The following NDUFA7 variants were observed in gnomAD, a reference collection of about 807,000 sequenced individuals.
NDUFA7 encodes the protein NADH dehydrogenase [ubiquinone] 1 alpha subcomplex subunit 7.
NDUFA7 carries 18 observed loss-of-function variants against 14.2 expected under a neutral mutation model. That is an observed-to-expected ratio of 1.27 (90% CI 0.88 to 1.88). The LOEUF (loss-of-function observed/expected upper bound fraction) is 1.88. Among genes scored for constraint, NDUFA7 ranks in the 40% most tolerant of loss-of-function variants. NDUFA7 has a pLI of 0.00. For missense variants in NDUFA7, 172 were observed against 147.3 expected (o/e 1.17, Z -0.87); for synonymous variants, 75 against 62.1 (o/e 1.21, Z -0.98).
At chr19:8,320,816 G>T in intron 2 of NDUFA7, 41 bp downstream of exon 2, 1 of 1,612,686 alleles carries the variant, frequency 6.2e-7, no homozygotes, top group East Asian at 2.2e-5. Flanking sequence ...GGTGGAGAAA[G>T]GACAGAGCCA....
At chr19:8,315,808 C>T (rs1970225791) in intron 3 of NDUFA7, among the ~76,000 whole-genome samples, 1 of 152,136 alleles carries the variant, frequency 6.6e-6, no homozygotes, top group South Asian at 2.1e-4. Context: ...GGCAACCCAC[C>T]CCTTCAGCCT....
In NDUFA7 at chr19:8,316,780, C is replaced by G. The variant is rs1403075503; in HGVS notation, c.102-135G>C. 9.6e-6 allele frequency: 10 copies of G among 1,042,362 alleles called. No individual in the cohort carries two copies. The Admixed American group carries it at 1.9e-4, about 20-fold the overall frequency. 64.6% of individuals were successfully genotyped at this position (1,042,362 alleles called of 1,614,324 possible). Reference sequence around the variant, plus strand: ...GGGATAAGCCACAGGCTGGGGGTGTCCCTTGGTACACTGGCAGGGACATAT... The same window carrying G: ...GGGATAAGCCACAGGCTGGGGGTGTGCCTTGGTACACTGGCAGGGACATAT... On this transcript the variant is annotated intron_variant, in intron 2 of 3. Transcript: ENST00000301457.
intron 3 of NDUFA7, 55 bp downstream of exon 3, chr19:8,316,441 G>A (rs966535443): frequency 6.3e-6 from 10 of 1,597,690 alleles, no homozygotes; most frequent in Non-Finnish European, 8.5e-6. Context: ...GGGAGACAGA[G>A]TGGGTTGCAG....
chr19:8,317,225 C>CT (rs1487282924), intron 2 of NDUFA7, among the ~76,000 whole-genome samples: 11 of 152,158 alleles, frequency 7.2e-5, no homozygotes, highest in Non-Finnish European at 1.3e-4. Context: ...TTGGCTTGAA[C>CT]TAAACCCTGG....
chr19:8,319,217 A>C (rs1012611976), intron 2 of NDUFA7: 4 of 152,104 alleles, frequency 2.6e-5, no homozygotes, highest in Non-Finnish European at 5.9e-5. Context: ...CTACCATGGC[A>C]CGTTTACCTT....
chr19:8,316,563 C>G lies in NDUFA7; in HGVS notation c.184G>C (p.Glu62Gln), dbSNP rs1242700432. 6.2e-7 allele frequency: 1 copy of G among 1,614,124 alleles called. No individual in the cohort carries two copies. The highest frequency in any genetic ancestry group is 1.7e-5 in the Admixed American group (1 of 60,002). ...NYYCTRDGRR[E>Q]SVPPSIIMSS... ...ATGATGATGGAAGGGGGCACAGATT[C>G]CCGGCGGCCATCGCGAGTGCAATAG... The change falls in exon 3 of 4, where the codon GAA becomes CAA. Residue 62 changes from glutamate to glutamine, a missense_variant. Physicochemically the swap from Glu to Gln is conservative, Grantham distance 29. Transcript: ENST00000301457.
Position 8,311,472 on chromosome 19 carries a change from G to A in NDUFA7, c.*33C>T, listed in dbSNP as rs1160184605. ...TTCTCCCTGGAGGAAATCCAAGGAG[G>A]CAAAGTAGTCGGGTGGCCGTGAGGG... On this transcript the variant is annotated 3_prime_UTR_variant, in exon 4 of 4. Coordinates refer to ENST00000301457, the MANE Select transcript of NDUFA7 (RefSeq NM_005001.5). 6.5e-7 allele frequency: 1 copy of A among 1,542,290 alleles called. No individual in the cohort carries two copies. Among genetic ancestry groups the A allele is most frequent in the Non-Finnish European group, 8.8e-7 (1 of 1,130,284 alleles).
At chr19:8,318,169 G>C (rs559091284) in intron 2 of NDUFA7, among the ~76,000 whole-genome samples, 1 of 150,884 alleles carries the variant, frequency 6.6e-6, no homozygotes, top group Non-Finnish European at 1.5e-5. Flanking sequence ...GTTTTTTTTT[G>C]AGATGGAGTC....
In NDUFA7 at chr19:8,316,401, G is replaced by A. The variant is rs527561969; in HGVS notation, c.251+95C>T. 2.0e-6 allele frequency: 3 copies of A among 1,516,114 alleles called. No homozygotes were observed. The South Asian group carries it at 3.7e-5, about 19-fold the overall frequency. The allele number at this position is 1,516,114 out of a possible 1,614,324, so 93.9% of individuals were successfully genotyped here. ...CTGCGCAACTGATGCTTACTAAGTA[G>A]GATCTTGACAAGCACCCTTTCCACA... On this transcript the variant is annotated intron_variant, in intron 3 of 3. Transcript: ENST00000301457.
chr19:8,311,649 C>G (rs1970179366), intron 3 of NDUFA7, 54 bp from the exon 4 acceptor site: 2 of 1,500,624 alleles, frequency 1.3e-6, no homozygotes, highest in Non-Finnish European at 1.8e-6. Flanking sequence ...GTGGAAAGAT[C>G]TGAGGGAGCC....
At chr19:8,310,910 G>C (rs3760683), downstream of NDUFA7, 2 of 152,024 alleles carry the variant, frequency 1.3e-5, no homozygotes, top group African/African-American at 4.8e-5. Context: ...CCAGCTACTC[G>C]GGAGGCTGAG....
At chr19:8,309,246 A>G (rs912824741), downstream of NDUFA7, among the ~76,000 whole-genome samples, 1 of 152,044 alleles carries the variant, frequency 6.6e-6, no homozygotes, top group Non-Finnish European at 1.5e-5. Flanking sequence ...AGGCCGAGGC[A>G]GGCGGATCAC....
Position 8,311,461 on chromosome 19 carries a change from A to C in NDUFA7, c.*44T>G. The C allele has an allele frequency of 1.4e-6, 2 of 1,468,846 alleles. No individual in the cohort carries two copies. Among genetic ancestry groups the C allele is most frequent in the East Asian group, 2.4e-5 (1 of 42,134 alleles). The allele number at this position is 1,468,846 out of a possible 1,614,324, so 91.0% of individuals were successfully genotyped here. The stretch of plus-strand genomic sequence containing the variant: ...ATTAGGTCACATTCTCCCTGGAGGA[A>C]ATCCAAGGAGGCAAAGTAGTCGGGT... On this transcript the variant is annotated 3_prime_UTR_variant, in exon 4 of 4. Transcript: ENST00000301457.
chr19:8,313,242 T>TC (rs1156546397), intron 3 of NDUFA7, among the ~76,000 whole-genome samples: 1 of 151,616 alleles, frequency 6.6e-6, no homozygotes, highest in East Asian at 1.9e-4. Flanking sequence ...TTCTTTTTTT[T>TC]TTTTTTGAGA....
intron 2 of NDUFA7, among the ~76,000 whole-genome samples, chr19:8,320,259 G>A (rs755273627): frequency 6.6e-6 from 1 of 152,090 alleles, no homozygotes; most frequent in Non-Finnish European, 1.5e-5. Flanking sequence ...CTGACTTTAC[G>A]TAGCCACCCT....
Position 8,321,352 on chromosome 19 carries a change from A to G in NDUFA7, c.7T>C (p.Ser3Pro), listed in dbSNP as rs1269863971. The G allele has an allele frequency of 6.3e-7, 1 of 1,575,786 alleles. No homozygotes were observed. Among genetic ancestry groups the G allele is most frequent in the Non-Finnish European group, 8.6e-7 (1 of 1,163,154 alleles). The change falls in exon 1 of 4, where the codon TCC becomes CCC. Residue 3 changes from serine to proline, a missense_variant. Coordinates refer to ENST00000301457, the MANE Select transcript of NDUFA7 (RefSeq NM_005001.5). MA[S>P]ATRLIQRLRN... is the part of the protein sequence containing the mutation. ...AGCCGCTGGATGAGACGGGTGGCGGACGCCATCTTCCGTCCGCGATACTGA... is the reference window on the plus strand; with the variant it reads ...AGCCGCTGGATGAGACGGGTGGCGGGCGCCATCTTCCGTCCGCGATACTGA...
chr19:8,319,534 T>C (rs1362782474), intron 2 of NDUFA7: 3 of 132,796 alleles, frequency 2.3e-5, no homozygotes, highest in Non-Finnish European at 4.6e-5. Context: ...CACTCCAGCC[T>C]GGGCAATAAG....
chr19:8,319,234 A>G (rs1175362132), intron 2 of NDUFA7: 3 of 152,140 alleles, frequency 2.0e-5, no homozygotes, highest in African/African-American at 7.2e-5. Context: ...CCTTTGTAAC[A>G]AAACTGCAAA....
chr19:8,309,400 G>A (rs1970147799), downstream of NDUFA7, among the ~76,000 whole-genome samples: 1 of 151,930 alleles, frequency 6.6e-6, no homozygotes, highest in Non-Finnish European at 1.5e-5. Context: ...CTTGAACCCG[G>A]GAGGCGGAGG....
Sources: allele counts gnomAD v4.1 joint callset (sites outside exome capture counted in the v4.1 genomes callset), GRCh38; gene constraint gnomAD v4.1.1; transcripts MANE v1.5; gene names NCBI Gene and HGNC (gene_info 2026-07-23, HGNC 2026-07-21).